The following PTPRK variants were observed in gnomAD, a reference collection of about 807,000 sequenced individuals.
PTPRK encodes protein tyrosine phosphatase receptor type K.
A neutral mutation model predicts 178.0 loss-of-function variants in PTPRK; 75 were observed. The ratio of observed to expected loss-of-function variants is 0.42; its 90% CI spans 0.35 to 0.51. PTPRK has a LOEUF of 0.51. Among genes scored for constraint, PTPRK ranks in the 20% least tolerant of loss-of-function variants. The probability of loss-of-function intolerance (pLI) is 0.02; values close to 1 mark genes in which losing one functional copy is unlikely to be tolerated. For synonymous variants in PTPRK, 637 were observed against 620.6 expected, an observed-to-expected ratio of 1.03 and a Z score of -0.39; for missense variants, 1,441 against 1,797.8, an observed-to-expected ratio of 0.80 and a Z score of 3.59.
At chr6:128,094,716 A>G (rs901652887) in intron 7 of PTPRK, among the ~76,000 whole-genome samples, 1 of 152,182 alleles carries the variant, frequency 6.6e-6, no homozygotes, top group Non-Finnish European at 1.5e-5. Context: ...TGTGTTTTAG[A>G]TAACTTGGAG....
chr6:128,200,695 G>C (rs1440935800), intron 6 of PTPRK, among the ~76,000 whole-genome samples: 1 of 151,384 alleles, frequency 6.6e-6, no homozygotes, highest in Non-Finnish European at 1.5e-5. Flanking sequence ...AGGTGACAGA[G>C]AGAGACCCTG....
intron 6 of PTPRK, among the ~76,000 whole-genome samples, chr6:128,194,098 TA>T (rs1562766608): frequency 2.5e-4 from 37 of 145,248 alleles, no homozygotes; most frequent in East Asian, 2.2e-3. Context: ...TTATTATTAT[TA>T]TTAGGAAACG....
chr6:127,983,752 A>G (rs769232711), intron 22 of PTPRK, among the ~76,000 whole-genome samples: 6 of 152,232 alleles, frequency 3.9e-5, no homozygotes, highest in Non-Finnish European at 5.9e-5. Flanking sequence ...ATATTTTTAG[A>G]TTCATCTAGT....
At chr6:128,231,833 A>C (rs147488294) in intron 5 of PTPRK, among the ~76,000 whole-genome samples, 3 of 152,228 alleles carry the variant, frequency 2.0e-5, no homozygotes, top group Non-Finnish European at 4.4e-5. Flanking sequence ...ATAAACTCTG[A>C]GAAAATGTAC....
intron 6 of PTPRK, among the ~76,000 whole-genome samples, chr6:128,209,811 T>C (rs552924078): frequency 6.6e-6 from 1 of 152,212 alleles, no homozygotes. Flanking sequence ...TCATGGTATG[T>C]TAAAGCAAGT....
intron 3 of PTPRK, among the ~76,000 whole-genome samples, chr6:128,300,030 AAAAC>A (rs1157580223): frequency 8.5e-5 from 13 of 152,206 alleles, no homozygotes; most frequent in African/African-American, 1.7e-4. Flanking sequence ...TTACAAGAAA[AAAAC>A]AAACAACCCC....
At chr6:128,233,628 T>C (rs1197073517) in intron 5 of PTPRK, among the ~76,000 whole-genome samples, 1 of 152,240 alleles carries the variant, frequency 6.6e-6, no homozygotes, top group East Asian at 1.9e-4. Flanking sequence ...TGTATCACAC[T>C]ATTCTAGCAA....
At chr6:128,388,308 C>A (rs1021132754) in intron 2 of PTPRK, among the ~76,000 whole-genome samples, 1 of 152,040 alleles carries the variant, frequency 6.6e-6, no homozygotes, top group Non-Finnish European at 1.5e-5. Context: ...AGATTTTAGA[C>A]CTTTAAAGAG....
intron 3 of PTPRK, among the ~76,000 whole-genome samples, chr6:128,263,849 G>T (rs1409646036): frequency 6.6e-6 from 1 of 152,152 alleles, no homozygotes; most frequent in Admixed American, 6.5e-5. Context: ...AGAGTACCTT[G>T]TAGAGGTGGC....
At chr6:128,430,755 T>C (rs982736955) in intron 1 of PTPRK, among the ~76,000 whole-genome samples, 21 of 152,222 alleles carry the variant, frequency 1.4e-4, no homozygotes, top group African/African-American at 4.1e-4. Flanking sequence ...AAATTAGACA[T>C]TAATTCAGGA....
At chr6:128,202,128 C>G (rs1383573900) in intron 6 of PTPRK, among the ~76,000 whole-genome samples, 3 of 152,134 alleles carry the variant, frequency 2.0e-5, no homozygotes, top group Non-Finnish European at 4.4e-5. Flanking sequence ...TCAGCATCTT[C>G]CACTGAAATA....
At chr6:128,214,930 C>T (rs1431133158) in intron 6 of PTPRK, among the ~76,000 whole-genome samples, 1 of 152,154 alleles carries the variant, frequency 6.6e-6, no homozygotes, top group Non-Finnish European at 1.5e-5. Flanking sequence ...GTGATTGATA[C>T]TAACCCCCAT....
intron 2 of PTPRK, among the ~76,000 whole-genome samples, chr6:128,371,248 G>T (rs1401071732): frequency 1.3e-5 from 2 of 152,054 alleles, no homozygotes; most frequent in Non-Finnish European, 1.5e-5. Flanking sequence ...CATCAGTTTG[G>T]ACTCTATCTG....
intron 3 of PTPRK, among the ~76,000 whole-genome samples, chr6:128,310,359 A>G (rs1738272): frequency 0.027 from 4,162 of 152,280 alleles, 182 homozygotes; most frequent in African/African-American, 0.095. Flanking sequence ...AGGGTAGTCC[A>G]CTGAATTTCA....
At chr6:128,423,801 C>T (rs552635643) in intron 1 of PTPRK, among the ~76,000 whole-genome samples, 1 of 152,012 alleles carries the variant, frequency 6.6e-6, no homozygotes, top group South Asian at 2.1e-4. Flanking sequence ...GCACTCCAGC[C>T]TGGGTGACAG....
At chr6:128,233,363 G>A (rs1812629591) in intron 5 of PTPRK, among the ~76,000 whole-genome samples, 1 of 152,224 alleles carries the variant, frequency 6.6e-6, no homozygotes, top group Admixed American at 6.5e-5. Context: ...TTTGCATGGA[G>A]TACAGGAACA....
intron 1 of PTPRK, among the ~76,000 whole-genome samples, chr6:128,504,805 A>G (rs1262845162): frequency 3.3e-5 from 5 of 152,200 alleles, no homozygotes; most frequent in African/African-American, 4.8e-5. Context: ...ATCATATTTA[A>G]GTATACTACT....
chr6:128,225,116 C>T (rs1198348841), intron 5 of PTPRK, among the ~76,000 whole-genome samples: 2 of 152,156 alleles, frequency 1.3e-5, no homozygotes, highest in African/African-American at 4.8e-5. Flanking sequence ...AGTTTCATTT[C>T]AGACTAAAAA....
chr6:127,999,048 G>T, intron 15 of PTPRK, 144 bp from the exon 16 acceptor site: 1 of 598,560 alleles, frequency 1.7e-6, no homozygotes, highest in Non-Finnish European at 2.6e-6. Context: ...ATACAGTATA[G>T]GCCTAGACAG....
Sources: allele counts gnomAD v4.1 joint callset (sites outside exome capture counted in the v4.1 genomes callset), GRCh38; gene constraint gnomAD v4.1.1; transcripts MANE v1.5; gene names NCBI Gene and HGNC (gene_info 2026-07-23, HGNC 2026-07-21).